The following USH2A variants were observed in gnomAD, a reference collection of about 807,000 sequenced individuals.
USH2A encodes the protein usherin.
A neutral mutation model predicts 538.9 loss-of-function variants in USH2A; 443 were observed. The observed-to-expected ratio is 0.82, with a 90% CI of 0.76 to 0.89. The LOEUF (loss-of-function observed/expected upper bound fraction) is 0.89, where lower values mean the gene tolerates loss of function less well. USH2A is among the 40% of genes least tolerant of loss of function. USH2A has a pLI of 0.00. For synonymous variants in USH2A, 2,413 were observed against 2,273.5 expected (o/e 1.06, Z -1.75); for missense variants, 6,633 against 6,324.8 (o/e 1.05, Z -1.65).
intron 71 of USH2A, 136 bp from the exon 72 acceptor site, chr1:215,626,006 C>G: frequency 6.2e-6 from 5 of 811,208 alleles, no homozygotes; most frequent in Non-Finnish European, 8.1e-6. Flanking sequence ...ATGGTGGGGT[C>G]TAAAACAGAC....
At chr1:215,948,992 T>C (rs1666843554) in intron 37 of USH2A, among the ~76,000 whole-genome samples, 1 of 152,118 alleles carries the variant, frequency 6.6e-6, no homozygotes, top group African/African-American at 2.4e-5. Context: ...ACGTGTTATA[T>C]CCAGCTAAGT....
At chr1:216,372,781 G>A (rs2038739307) in intron 3 of USH2A, among the ~76,000 whole-genome samples, 1 of 152,150 alleles carries the variant, frequency 6.6e-6, no homozygotes, top group African/African-American at 2.4e-5. Flanking sequence ...TTAAAGAGGT[G>A]TCATGTACAC....
At chr1:215,659,959 C>T (rs1283831956) in intron 64 of USH2A, among the ~76,000 whole-genome samples, 3 of 152,182 alleles carry the variant, frequency 2.0e-5, no homozygotes, top group Admixed American at 2.0e-4. Flanking sequence ...ATCTATCCCA[C>T]AGGACTATTT....
At chr1:215,979,277 G>C (rs1667695284) in intron 35 of USH2A, among the ~76,000 whole-genome samples, 1 of 152,058 alleles carries the variant, frequency 6.6e-6, no homozygotes, top group Admixed American at 6.6e-5. Flanking sequence ...TGACACATGG[G>C]GATTTTCACA....
chr1:215,997,282 G>A (rs1194089838), intron 34 of USH2A, among the ~76,000 whole-genome samples: 1 of 152,082 alleles, frequency 6.6e-6, no homozygotes, highest in Non-Finnish European at 1.5e-5. Flanking sequence ...TTAAGGCAAG[G>A]ATTTTCACAT....
intron 37 of USH2A, among the ~76,000 whole-genome samples, chr1:215,955,968 G>A (rs921062291): frequency 1.1e-4 from 16 of 152,160 alleles, no homozygotes; most frequent in Admixed American, 1.0e-3. Flanking sequence ...TCAGAGAAGG[G>A]AATTCCTTGC....
At position 215,624,049 on chromosome 1, in the gene USH2A, A is replaced by G. The variant is rs372376060; in HGVS notation, c.*1732T>C. Reference sequence around the variant, plus strand: ...ACAACTTTATTGTCCCAGAATCGGCATATGGGAATAAAAACCAGTAAACTA... The same window carrying G: ...ACAACTTTATTGTCCCAGAATCGGCGTATGGGAATAAAAACCAGTAAACTA... On this transcript the variant is annotated 3_prime_UTR_variant, in exon 72 of 72. Coordinates refer to ENST00000307340, the MANE Select transcript of USH2A (RefSeq NM_206933.4). The G allele has an allele frequency of 2.6e-5, 4 of 152,180 alleles. No individual in the cohort carries two copies. The highest frequency in any genetic ancestry group is 9.6e-5 in the African/African-American group (4 of 41,454). The allele number at this position is 152,180 out of a possible 1,614,324, so 9.4% of individuals were successfully genotyped here. A position where few individuals can be genotyped will look rare whatever the true frequency, so the allele number is the denominator to read the frequency against.
chr1:215,875,617 A>C (rs1664742590), intron 43 of USH2A, among the ~76,000 whole-genome samples: 1 of 152,104 alleles, frequency 6.6e-6, no homozygotes, highest in African/African-American at 2.4e-5. Context: ...TTATTTAATA[A>C]GTTTTCATTT....
At chr1:216,335,501 G>A (rs1310242940) in intron 4 of USH2A, among the ~76,000 whole-genome samples, 1 of 151,466 alleles carries the variant, frequency 6.6e-6, no homozygotes, top group African/African-American at 2.4e-5. Context: ...TTGATTGTTA[G>A]AAATTATTAA....
chr1:215,714,839 G>C (rs1659436517), intron 61 of USH2A, among the ~76,000 whole-genome samples: 1 of 152,094 alleles, frequency 6.6e-6, no homozygotes. Flanking sequence ...GGTGTTTTTG[G>C]TGTAATAGGT....
intron 21 of USH2A, among the ~76,000 whole-genome samples, chr1:216,123,530 G>A (rs2033178180): frequency 6.6e-6 from 1 of 152,144 alleles, no homozygotes; most frequent in Non-Finnish European, 1.5e-5. Context: ...ATTTACTGGA[G>A]TGTTTTCACT....
chr1:216,420,918 T>C (rs958792747), intron 2 of USH2A, among the ~76,000 whole-genome samples: 1 of 152,174 alleles, frequency 6.6e-6, no homozygotes, highest in Non-Finnish European at 1.5e-5. Flanking sequence ...TATGAGATTG[T>C]AATCCTTTTC....
rs181034799 is a variant in USH2A at position 216,419,044 on chromosome 1, C to T, written c.486-365G>A. ...AGGAAGTGGTACAACACACTACAGGCCGCTTGAGTATTAAGTCATCAGTGC... is the reference window on the plus strand; with the variant it reads ...AGGAAGTGGTACAACACACTACAGGTCGCTTGAGTATTAAGTCATCAGTGC... On this transcript the variant is annotated intron_variant, in intron 2 of 71. Coordinates refer to ENST00000307340, the MANE Select transcript of USH2A (RefSeq NM_206933.4). Among the ~76,000 whole-genome samples, 75 of 152,122 alleles carry T rather than the reference C, an allele frequency of 4.9e-4. No individual in the cohort carries two copies. In the South Asian group the frequency reaches 6.2e-3, roughly 13 times the overall value.
chr1:215,625,769 G>T lies in USH2A; in HGVS notation c.*12C>A. On this transcript the variant is annotated 3_prime_UTR_variant, in exon 72 of 72. Transcript: ENST00000307340. ...TTGCATTCCAGGGTTACGTCTTCTGGGTTTCCATCCTTTACAGGTGGGTGT... is the reference window on the plus strand; with the variant it reads ...TTGCATTCCAGGGTTACGTCTTCTGTGTTTCCATCCTTTACAGGTGGGTGT... 1 of 1,613,790 alleles carries T rather than the reference G, an allele frequency of 6.2e-7. No homozygotes were observed. Among genetic ancestry groups the T allele is most frequent in the Non-Finnish European group, 8.5e-7 (1 of 1,179,750 alleles).
At chr1:216,208,020 T>G (rs1331062206) in intron 15 of USH2A, among the ~76,000 whole-genome samples, 1 of 152,158 alleles carries the variant, frequency 6.6e-6, no homozygotes, top group Non-Finnish European at 1.5e-5. Context: ...GAGGTGTTTT[T>G]AAGATGTAAT....
intron 16 of USH2A, 95 bp from the exon 17 acceptor site, chr1:216,200,216 TA>T (rs1333115622): frequency 3.9e-6 from 5 of 1,269,110 alleles, no homozygotes; most frequent in African/African-American, 1.5e-5. Flanking sequence ...TTTAATTACA[TA>T]AACTATACCA....
At chr1:216,086,580 C>G (rs1012073912) in intron 24 of USH2A, 139 bp downstream of exon 24, 7 of 686,752 alleles carry the variant, frequency 1.0e-5, no homozygotes, top group African/African-American at 9.2e-5. Context: ...AAAAAGAGAC[C>G]TAAAGGAAAT....
intron 21 of USH2A, among the ~76,000 whole-genome samples, chr1:216,138,224 C>A (rs879851921): frequency 6.6e-6 from 1 of 152,010 alleles, no homozygotes; most frequent in African/African-American, 2.4e-5. Context: ...GGATAATGGC[C>A]GGTACACAGC....
At chr1:216,286,860 T>G (rs1008557790) in intron 11 of USH2A, among the ~76,000 whole-genome samples, 3 of 152,198 alleles carry the variant, frequency 2.0e-5, no homozygotes, top group Admixed American at 6.5e-5. Flanking sequence ...TGTATTAGAA[T>G]GGGGTAAACT....
Sources: gnomAD v4.1 joint callset for allele counts (sites outside exome capture counted in the v4.1 genomes callset) on GRCh38, gnomAD v4.1.1 for gene constraint, MANE v1.5 for transcripts, NCBI Gene and HGNC (gene_info 2026-07-23, HGNC 2026-07-21) for gene names.